The following GLT1D1 variants were observed in gnomAD, a reference collection of about 807,000 sequenced individuals.
GLT1D1 encodes glycosyltransferase 1 domain containing 1.
GLT1D1 carries 21 observed loss-of-function variants against 28.7 expected under a neutral mutation model. The observed-to-expected ratio is 0.73, with a 90% CI of 0.52 to 1.05. The LOEUF is 1.05. Ranked by LOEUF, GLT1D1 falls within the 50% of genes least tolerant of loss-of-function variation. The probability of loss-of-function intolerance (pLI) is 0.00; values close to 1 mark genes in which losing one functional copy is unlikely to be tolerated. For missense variants in GLT1D1, 343 were observed against 330.6 expected, an observed-to-expected ratio of 1.04 and a Z score of -0.29; for synonymous variants, 147 against 124.8, an observed-to-expected ratio of 1.18 and a Z score of -1.19.
chr12:128,899,157 T>A, intron 3 of GLT1D1, 79 bp from the exon 4 acceptor site: 1 of 1,028,284 alleles, frequency 9.7e-7, no homozygotes, highest in Non-Finnish European at 1.5e-6. Flanking sequence ...CTCTCATAAT[T>A]TGTTCCAAAG....
In GLT1D1 at chr12:128,874,659, T is replaced by G. The variant is rs114588934; in HGVS notation, c.69-1255T>G. On this transcript the variant is annotated intron_variant, in intron 1 of 7. Coordinates refer to ENST00000281703, the MANE Select transcript of GLT1D1 (RefSeq NM_144669.3). ...ACCATGCCCAGTGCATTAAAAAATA[T>G]TTTTTATAGAGACAGGGTTTCACCA... Among the ~76,000 whole-genome samples the G allele has an allele frequency of 5.3e-3, 807 of 152,032 alleles. 7 individuals are homozygous for G. Among genetic ancestry groups the G allele is most frequent in the African/African-American group, 0.018 (755 of 41,472 alleles).
chr12:128,904,770 A>AT (rs1308151257), intron 4 of GLT1D1, among the ~76,000 whole-genome samples: 1 of 151,332 alleles, frequency 6.6e-6, no homozygotes, highest in African/African-American at 2.5e-5. Flanking sequence ...AGTAGCTGGG[A>AT]TTACAGATGC....
At chr12:128,965,742 GT>G (rs1878394835) in intron 7 of GLT1D1, among the ~76,000 whole-genome samples, 1 of 113,990 alleles carries the variant, frequency 8.8e-6, no homozygotes. Context: ...AAAAGAAAAA[GT>G]AAAAAGCCAG....
At chr12:128,871,626 C>T (rs1427339380) in intron 1 of GLT1D1, among the ~76,000 whole-genome samples, 1 of 152,080 alleles carries the variant, frequency 6.6e-6, no homozygotes, top group Non-Finnish European at 1.5e-5. Flanking sequence ...ACGATTTGAA[C>T]CTCATGTTTC....
At chr12:128,908,969 A>ATAAC (rs1871253608) in intron 4 of GLT1D1, among the ~76,000 whole-genome samples, 1 of 152,028 alleles carries the variant, frequency 6.6e-6, no homozygotes, top group East Asian at 1.9e-4. Context: ...AAATAAATAA[A>ATAAC]TAAATAAAAA....
intron 1 of GLT1D1, among the ~76,000 whole-genome samples, chr12:128,859,413 G>T (rs563954642): frequency 6.6e-6 from 1 of 152,176 alleles, no homozygotes; most frequent in Non-Finnish European, 1.5e-5. Flanking sequence ...AGGATGTGCC[G>T]AGGAGGGGGA....
chr12:128,861,147 C>T (rs1441360554), intron 1 of GLT1D1, among the ~76,000 whole-genome samples: 3 of 152,130 alleles, frequency 2.0e-5, no homozygotes, highest in African/African-American at 4.8e-5. Flanking sequence ...AAAACCAGGG[C>T]GACAAACTGC....
chr12:128,881,562 ATATATAT>A (rs1264052997), intron 2 of GLT1D1, among the ~76,000 whole-genome samples: 52 of 21,850 alleles, frequency 2.4e-3, no homozygotes, highest in African/African-American at 8.1e-3. Context: ...AAAAAAAAAA[ATATATAT>A]ATATATATAT....
intron 4 of GLT1D1, among the ~76,000 whole-genome samples, chr12:128,907,858 T>C (rs1871047654): frequency 6.6e-6 from 1 of 152,192 alleles, no homozygotes; most frequent in Non-Finnish European, 1.5e-5. Context: ...GTATTGTTTG[T>C]AATTCATTAA....
intron 4 of GLT1D1, 114 bp from the exon 6 acceptor site, chr12:128,914,819 C>G (rs1871938217): frequency 7.7e-6 from 6 of 778,606 alleles, no homozygotes; most frequent in African/African-American, 1.7e-5. Flanking sequence ...GACTCTGTCT[C>G]AAAATAATAA....
intron 4 of GLT1D1, among the ~76,000 whole-genome samples, chr12:128,915,637 C>A (rs1039626212): frequency 2.6e-5 from 4 of 152,028 alleles, no homozygotes; most frequent in Non-Finnish European, 5.9e-5. Context: ...TGCTGGGAAT[C>A]CAGGCATGAG....
intron 4 of GLT1D1, among the ~76,000 whole-genome samples, chr12:128,929,556 A>T (rs1873649170): frequency 6.6e-6 from 1 of 152,274 alleles, no homozygotes; most frequent in Middle Eastern, 3.4e-3. Context: ...AGTTTTTTGT[A>T]GTTCCCTAGG....
intron 5 of GLT1D1, 33 bp from the exon 10 acceptor site, chr12:128,947,305 A>T (rs1380771013): frequency 1.2e-6 from 2 of 1,612,884 alleles, no homozygotes; most frequent in East Asian, 2.2e-5. Context: ...AGATTCTTGG[A>T]ATCAGAGCCA....
chr12:128,881,770 G>C (rs1354828082), intron 2 of GLT1D1, among the ~76,000 whole-genome samples: 1 of 150,552 alleles, frequency 6.6e-6, no homozygotes, highest in African/African-American at 2.4e-5. Flanking sequence ...TCTGTAGTTT[G>C]TGTGTATATT....
chr12:128,908,635 C>T (rs1871199727), intron 4 of GLT1D1, among the ~76,000 whole-genome samples: 1 of 143,792 alleles, frequency 7.0e-6, no homozygotes, highest in South Asian at 2.2e-4. Flanking sequence ...CTGTGGGACA[C>T]GGAGGGCAGC....
chr12:128,953,806 C>T (rs1025967074), intron 6 of GLT1D1, among the ~76,000 whole-genome samples: 1 of 151,534 alleles, frequency 6.6e-6, no homozygotes, highest in Non-Finnish European at 1.5e-5. Context: ...AGTGCAGTGA[C>T]GCAATCTCGG....
At chr12:128,887,688 T>C (rs1056899121) in intron 2 of GLT1D1, among the ~76,000 whole-genome samples, 1 of 152,152 alleles carries the variant, frequency 6.6e-6, no homozygotes, top group Non-Finnish European at 1.5e-5. Flanking sequence ...GTGACCTAGA[T>C]AGAGAGAAAG....
At position 128,853,536 on chromosome 12, in the gene GLT1D1, G is replaced by A; in HGVS notation, c.-46G>A. The A allele has an allele frequency of 2.9e-6, 3 of 1,032,622 alleles. No individual in the cohort carries two copies. Among genetic ancestry groups the A allele is most frequent in the Non-Finnish European group, 3.5e-6 (3 of 865,006 alleles). 64.0% of individuals were successfully genotyped at this position (1,032,622 alleles called of 1,614,324 possible). A position where few individuals can be genotyped will look rare whatever the true frequency, so the allele number is the denominator to read the frequency against. ...GCGTCTGCGCCGGCCCCGGGGCCTGGTCGGCGGCGGCGGGGCCGGTCGATG... is the reference window on the plus strand; with the variant it reads ...GCGTCTGCGCCGGCCCCGGGGCCTGATCGGCGGCGGCGGGGCCGGTCGATG... On this transcript the variant is annotated 5_prime_UTR_variant, in exon 1 of 8. Transcript: ENST00000281703.
At chr12:128,968,329 G>A (rs1303862229) in intron 7 of GLT1D1, among the ~76,000 whole-genome samples, 1 of 151,612 alleles carries the variant, frequency 6.6e-6, no homozygotes, top group Non-Finnish European at 1.5e-5. Context: ...TGACCTGGTG[G>A]CTTATTGTAC....
Sources: gnomAD v4.1 joint callset for allele counts (sites outside exome capture counted in the v4.1 genomes callset) on GRCh38, gnomAD v4.1.1 for gene constraint, MANE v1.5 for transcripts, NCBI Gene and HGNC (gene_info 2026-07-23, HGNC 2026-07-21) for gene names.